CCSER1: variants seen among roughly 807,000 people sequenced by gnomAD.
CCSER1 encodes serine-rich coiled-coil domain-containing protein 1.
Under a neutral mutation model 82.0 loss-of-function variants are expected in CCSER1, and 41 were observed. That is an observed-to-expected ratio of 0.50 (90% confidence interval 0.39 to 0.65). The LOEUF is 0.65. Ranked by LOEUF, CCSER1 falls within the 30% of genes least tolerant of loss-of-function variation. The pLI is 0.00. For synonymous variants in CCSER1, 414 were observed against 383.9 expected (o/e 1.08, Z -0.92); for missense variants, 1,119 against 1,064.2 (o/e 1.05, Z -0.72).
chr4:90,344,059 G>T (rs1741900975), intron 3 of CCSER1, among the ~76,000 whole-genome samples: 1 of 151,980 alleles, frequency 6.6e-6, no homozygotes, highest in South Asian at 2.1e-4. Context: ...CCAGCCTCTG[G>T]TAACCATCCT....
intron 8 of CCSER1, among the ~76,000 whole-genome samples, chr4:90,906,151 T>C (rs796460708): frequency 1.7e-4 from 26 of 152,292 alleles, no homozygotes; most frequent in Middle Eastern, 3.4e-3. Context: ...TAGTCACGTG[T>C]AATCTCTTTA....
intron 9 of CCSER1, among the ~76,000 whole-genome samples, chr4:90,957,799 T>A (rs1180500938): frequency 6.6e-6 from 1 of 150,738 alleles, no homozygotes; most frequent in African/African-American, 2.4e-5. Context: ...AACGCTTGTT[T>A]ATGTCTTGTT....
chr4:91,265,892 T>G (rs1741531701), intron 10 of CCSER1, among the ~76,000 whole-genome samples: 1 of 152,190 alleles, frequency 6.6e-6, no homozygotes, highest in Non-Finnish European at 1.5e-5. Flanking sequence ...GTAGGTTTAA[T>G]GGTCTCACAG....
chr4:90,155,383 G>A (rs1174216015), intron 1 of CCSER1, among the ~76,000 whole-genome samples: 2 of 152,118 alleles, frequency 1.3e-5, no homozygotes, highest in Non-Finnish European at 2.9e-5. Context: ...TCAGGATGAT[G>A]CTGGCCTCAT....
intron 7 of CCSER1, among the ~76,000 whole-genome samples, chr4:90,754,145 T>C (rs1270246253): frequency 2.0e-5 from 3 of 152,178 alleles, no homozygotes; most frequent in East Asian, 1.9e-4. Context: ...CATTACATTG[T>C]ATGCATGTGT....
At chr4:91,088,925 T>G (rs781725731) in intron 10 of CCSER1, among the ~76,000 whole-genome samples, 1 of 152,110 alleles carries the variant, frequency 6.6e-6, no homozygotes, top group Non-Finnish European at 1.5e-5. Flanking sequence ...TAAAATACCT[T>G]TGTTATTTTA....
At chr4:91,224,745 T>A in intron 10 of CCSER1, among the ~76,000 whole-genome samples, 1 of 152,118 alleles carries the variant, frequency 6.6e-6, no homozygotes, top group South Asian at 2.1e-4. Flanking sequence ...CTAAAATAAT[T>A]TGGGCATTAA....
intron 10 of CCSER1, among the ~76,000 whole-genome samples, chr4:91,353,407 G>A (rs1295499406): frequency 6.6e-6 from 1 of 152,188 alleles, no homozygotes; most frequent in Non-Finnish European, 1.5e-5. Context: ...TGTAATCTAT[G>A]AATAACGTCG....
chr4:91,190,774 C>G (rs1734929249), intron 10 of CCSER1, among the ~76,000 whole-genome samples: 1 of 152,084 alleles, frequency 6.6e-6, no homozygotes, highest in Non-Finnish European at 1.5e-5. Context: ...CCTGAATTGT[C>G]TATTAGTAGC....
chr4:91,453,523 T>C (rs771908656), intron 10 of CCSER1, among the ~76,000 whole-genome samples: 1 of 152,024 alleles, frequency 6.6e-6, no homozygotes, highest in Non-Finnish European at 1.5e-5. Context: ...CATTTAAATG[T>C]CTTGCCACCT....
At chr4:90,783,408 A>T (rs1395242430) in intron 7 of CCSER1, among the ~76,000 whole-genome samples, 1 of 152,170 alleles carries the variant, frequency 6.6e-6, no homozygotes, top group East Asian at 1.9e-4. Context: ...ACTGGTAGGG[A>T]CACTTAAATG....
Position 90,748,381 on chromosome 4 carries a change from G to T in CCSER1, c.2010+24390G>T, listed in dbSNP as rs1156695053. Among the ~76,000 whole-genome samples the T allele has an allele frequency of 8.0e-5, 12 of 150,886 alleles. No homozygotes were observed. The South Asian group carries it at 2.3e-3, about 29-fold the overall frequency. ...GGACATGAACTCATCATTTTTTATG[G>T]CTGCATAGTATTCCATGGCGTATAT... is the stretch of plus-strand genomic sequence containing the variant. On this transcript the variant is annotated intron_variant, in intron 7 of 10. Transcript: ENST00000509176.
At chr4:90,151,660 CAT>C (rs1726877933) in intron 1 of CCSER1, among the ~76,000 whole-genome samples, 1 of 152,060 alleles carries the variant, frequency 6.6e-6, no homozygotes, top group Non-Finnish European at 1.5e-5. Flanking sequence ...AGAGCAAACT[CAT>C]AATCATTTTA....
At chr4:90,780,148 C>G (rs1293708001) in intron 7 of CCSER1, among the ~76,000 whole-genome samples, 1 of 152,134 alleles carries the variant, frequency 6.6e-6, no homozygotes, top group Non-Finnish European at 1.5e-5. Context: ...ACTTGACCCT[C>G]CCTGAGTTCC....
At chr4:90,221,341 AATATT>A (rs1742112810) in intron 1 of CCSER1, among the ~76,000 whole-genome samples, 1 of 152,140 alleles carries the variant, frequency 6.6e-6, no homozygotes, top group Non-Finnish European at 1.5e-5. Flanking sequence ...ATTCAGAGCT[AATATT>A]ATATTTAGGT....
chr4:90,278,475 A>G (rs1288596820), intron 1 of CCSER1, among the ~76,000 whole-genome samples: 2 of 152,112 alleles, frequency 1.3e-5, no homozygotes, highest in East Asian at 3.9e-4. Flanking sequence ...GTCCATATAC[A>G]CCATGGAATA....
intron 9 of CCSER1, among the ~76,000 whole-genome samples, chr4:91,015,871 A>G (rs1739387139): frequency 6.6e-6 from 1 of 151,972 alleles, no homozygotes; most frequent in Non-Finnish European, 1.5e-5. Flanking sequence ...TGAATTTTAT[A>G]TTTACAGGAA....
At chr4:90,271,858 ATATATTTTTTTTTTTT>A (rs1164672700) in intron 1 of CCSER1, among the ~76,000 whole-genome samples, 51 of 24,360 alleles carry the variant, frequency 2.1e-3, no homozygotes, top group African/African-American at 0.018. Flanking sequence ...ATATATATAT[ATATATTTTTTTTTTTT>A]TTTTTTTTTT....
intron 10 of CCSER1, among the ~76,000 whole-genome samples, chr4:91,107,845 C>A (rs1467418430): frequency 2.0e-5 from 3 of 152,084 alleles, no homozygotes; most frequent in Non-Finnish European, 4.4e-5. Context: ...TTGGGCAGTG[C>A]TGGGCTACCA....
Sources: allele counts gnomAD v4.1 joint callset (sites outside exome capture counted in the v4.1 genomes callset), GRCh38; gene constraint gnomAD v4.1.1; transcripts MANE v1.5; gene names NCBI Gene and HGNC (gene_info 2026-07-23, HGNC 2026-07-21).